The following ASPH variants were observed in gnomAD, a reference collection of about 807,000 sequenced individuals.
The protein encoded by ASPH is aspartate beta-hydroxylase, also known as aspartyl/asparaginyl beta-hydroxylase.
A neutral mutation model predicts 118.4 loss-of-function variants in ASPH; 100 were observed. The ratio of observed to expected loss-of-function variants is 0.84; its 90% CI spans 0.72 to 1.00. ASPH has a LOEUF of 1.00. ASPH is among the 50% of genes least tolerant of loss of function. ASPH has a pLI of 0.00. For synonymous variants in ASPH, 315 were observed against 325.6 expected (o/e 0.97, Z 0.35); for missense variants, 920 against 919.5 (o/e 1.00, Z -0.01).
intron 1 of ASPH, among the ~76,000 whole-genome samples, chr8:61,707,162 C>A (rs1836887019): frequency 6.6e-6 from 1 of 151,394 alleles, no homozygotes; most frequent in Non-Finnish European, 1.5e-5. Flanking sequence ...ACAACGTATA[C>A]CATAAAAAAT....
chr8:61,632,282 ATAT>A (rs1855940915), intron 13 of ASPH, among the ~76,000 whole-genome samples: 3 of 152,226 alleles, frequency 2.0e-5, no homozygotes, highest in African/African-American at 7.2e-5. Context: ...GGTCTGAAAA[ATAT>A]TATCTTTCAT....
intron 1 of ASPH, 62 bp downstream of exon 1, chr8:61,714,207 G>A (rs1419653250): frequency 8.1e-6 from 11 of 1,359,028 alleles, no homozygotes; most frequent in Non-Finnish European, 1.0e-5. Context: ...AGCGTCCGCC[G>A]CGCCAGCCGG....
chr8:61,592,599 C>T (rs1208508486), intron 14 of ASPH, among the ~76,000 whole-genome samples: 1 of 151,810 alleles, frequency 6.6e-6, no homozygotes, highest in Non-Finnish European at 1.5e-5. Flanking sequence ...ATCTAAAAAG[C>T]AAAACAATTT....
rs988753674 is a variant in ASPH, at chr8:61,500,824, C to A, written c.*2535G>T. On this transcript the variant is annotated 3_prime_UTR_variant, in exon 25 of 25. Transcript: ENST00000379454. ...TAATGGGCAGTAAAATATGATTTTA[C>A]ATTATTTTAAATATTTGGGAGAGTT... 1.3e-5 allele frequency: 2 copies of A among 152,078 alleles called. No homozygotes were observed. Among genetic ancestry groups the A allele is most frequent in the Non-Finnish European group, 2.9e-5 (2 of 68,010 alleles). The allele number at this position is 152,078 out of a possible 1,614,324, so 9.4% of individuals were successfully genotyped here.
intron 18 of ASPH, 81 bp downstream of exon 18, chr8:61,562,659 TAAAG>T (rs966451704): frequency 4.3e-5 from 56 of 1,302,748 alleles, no homozygotes; most frequent in Middle Eastern, 2.4e-4. Context: ...TAATTTAAAA[TAAAG>T]AGAGACTGGG....
At chr8:61,680,438 G>A (rs1239657428) in intron 3 of ASPH, 1 of 151,766 alleles carries the variant, frequency 6.6e-6, no homozygotes, top group Non-Finnish European at 1.5e-5. Context: ...TGAAAGAGAA[G>A]GGTCCAAGAC....
intron 22 of ASPH, among the ~76,000 whole-genome samples, chr8:61,522,246 A>T (rs1237470726): frequency 6.6e-6 from 1 of 152,240 alleles, no homozygotes; most frequent in Non-Finnish European, 1.5e-5. Context: ...AGTCCTAATG[A>T]AACTACTTGG....
chr8:61,704,016 A>G (rs1338043671), intron 1 of ASPH, among the ~76,000 whole-genome samples: 2 of 151,752 alleles, frequency 1.3e-5, no homozygotes, highest in East Asian at 3.9e-4. Context: ...TAAAACGGTG[A>G]AACCCCGTCT....
At chr8:61,679,881 CAAGAA>C (rs1210033508) in intron 3 of ASPH, among the ~76,000 whole-genome samples, 1 of 126,212 alleles carries the variant, frequency 7.9e-6, no homozygotes, top group African/African-American at 3.0e-5. Context: ...AAAGTTAAGA[CAAGAA>C]AAGAAATTTC....
At chr8:61,590,550 CTGTGTGTGTGTGTGTGTG>C (rs5891814) in intron 14 of ASPH, among the ~76,000 whole-genome samples, 1 of 146,694 alleles carries the variant, frequency 6.8e-6, no homozygotes, top group African/African-American at 2.5e-5. Context: ...TAATTTAACT[CTGTGTGTGTGTGTGTGTG>C]TGTGTGTGTG....
chr8:61,514,907 C>T (rs1810309702), intron 24 of ASPH, among the ~76,000 whole-genome samples: 2 of 149,922 alleles, frequency 1.3e-5, no homozygotes, highest in African/African-American at 4.9e-5. Context: ...CAAGTATCTA[C>T]AAGCAGAATA....
At chr8:61,517,914 G>A (rs1586390830) in intron 23 of ASPH, 118 bp downstream of exon 23, 3 of 1,173,234 alleles carry the variant, frequency 2.6e-6, no homozygotes, top group Non-Finnish European at 3.7e-6. Context: ...TCAGTAAAAA[G>A]GGCATGTAAA....
intron 13 of ASPH, among the ~76,000 whole-genome samples, chr8:61,619,656 T>G (rs1850226233): frequency 6.6e-6 from 1 of 152,130 alleles, no homozygotes; most frequent in Admixed American, 6.5e-5. Context: ...ACCAACAGCC[T>G]AGACTAGCCA....
In ASPH at chr8:61,553,116, C is replaced by G; in HGVS notation, c.1541G>C (p.Gly514Ala). 1.2e-6 allele frequency: 2 copies of G among 1,611,760 alleles called. No homozygotes were observed. Among genetic ancestry groups the G allele is most frequent in the Non-Finnish European group, 1.7e-6 (2 of 1,177,994 alleles). Residue 514 changes from glycine (G) to alanine (A), a missense_variant, in exon 20 of 25, where the codon GGA (glycine) becomes GCA (alanine). By Grantham distance (60) the Gly-to-Ala change is moderately conservative (BLOSUM62 0). Transcript: ENST00000379454. The stretch of plus-strand genomic sequence containing the variant: ...AGTGCCAGGATCTCCGGATTCTATT[C>G]CTTCCTGTAGAAAGGACAGTGTTAG... ...IAESIPYLKE[G>A]IESGDPGTDD...
At chr8:61,576,719 A>C in intron 16 of ASPH, 53 bp downstream of exon 16, 1 of 1,508,058 alleles carries the variant, frequency 6.6e-7, no homozygotes. Flanking sequence ...ATTCAATCAC[A>C]CAAAACACAT....
At chr8:61,638,142 C>T in intron 11 of ASPH, 139 bp from the exon 12 acceptor site, 1 of 1,143,402 alleles carries the variant, frequency 8.7e-7, no homozygotes, top group Non-Finnish European at 1.2e-6. Flanking sequence ...TAAACTGGGT[C>T]TTCTGCAGAG....
chr8:61,640,849 T>G (rs1206139481), intron 10 of ASPH, among the ~76,000 whole-genome samples: 1 of 152,244 alleles, frequency 6.6e-6, no homozygotes, highest in African/African-American at 2.4e-5. Flanking sequence ...CTAGGTTATC[T>G]TTGATGTAGA....
At chr8:61,619,435 T>A (rs1850137170) in intron 13 of ASPH, among the ~76,000 whole-genome samples, 1 of 152,188 alleles carries the variant, frequency 6.6e-6, no homozygotes, top group South Asian at 2.1e-4. Context: ...ATCATGTGCT[T>A]TAAAGGAATG....
At chr8:61,504,161 G>A (rs1054267165) in intron 24 of ASPH, among the ~76,000 whole-genome samples, 2 of 152,258 alleles carry the variant, frequency 1.3e-5, no homozygotes, top group East Asian at 3.9e-4. Flanking sequence ...TCTGTATAGG[G>A]ACTGCGATCT....
Sources: gnomAD v4.1 joint callset for allele counts (sites outside exome capture counted in the v4.1 genomes callset) on GRCh38, gnomAD v4.1.1 for gene constraint, MANE v1.5 for transcripts, NCBI Gene and HGNC (gene_info 2026-07-23, HGNC 2026-07-21) for gene names.